Variants in GNG7 observed in about 807,000 individuals in gnomAD.
GNG7 encodes G protein subunit gamma 7.
GNG7 carries 1 observed loss-of-function variant against 4.0 expected under a neutral mutation model. That is an observed-to-expected ratio of 0.25 (90% CI 0.09 to 1.18). The LOEUF is 1.18. Ranked by LOEUF, GNG7 falls within the 50% of genes most tolerant of loss-of-function variation. GNG7 has a pLI of 0.50. For synonymous variants in GNG7, 34 were observed against 36.9 expected (o/e 0.92, Z 0.29); for missense variants, 86 against 91.9 (o/e 0.94, Z 0.26).
At position 2,661,302 on chromosome 19, in the gene GNG7, G is replaced by GAAAGAAAGAAAGAAAAAGAAAGAAAGAA; in HGVS notation, c.-134-15023_-134-15022insTTCTTTCTTTCTTTTTCTTTCTTTCTTT. On this transcript the variant is annotated intron_variant, in intron 1 of 4. Transcript: ENST00000382159. ...AGAAAGAAAGAAAGAAAGAAAGAAAGAGAAAGAAAGAAAGAAAGAAAGAAA... is the reference window on the plus strand; with the variant it reads ...AGAAAGAAAGAAAGAAAGAAAGAAAGAAAGAAAGAAAGAAAAAGAAAGAAAGAAAGAAAGAAAGAAAGAAAGAAAGAAA... Among the ~76,000 whole-genome samples, 168 of 73,110 alleles carry GAAAGAAAGAAAGAAAAAGAAAGAAAGAA rather than the reference G, an allele frequency of 2.3e-3. 9 individuals carry two copies. The highest frequency in any genetic ancestry group is 6.4e-3 in the African/African-American group (118 of 18,492). The allele number at this position is 73,110 out of a possible 152,430, so 48.0% of individuals were successfully genotyped here.
At chr19:2,528,517 A>T (rs1014564006) in intron 3 of GNG7, among the ~76,000 whole-genome samples, 6 of 151,272 alleles carry the variant, frequency 4.0e-5, no homozygotes, top group African/African-American at 9.7e-5. Context: ...AAAAAAAAAA[A>T]AGTAAATACA....
At chr19:2,629,142 A>C (rs757095317) in intron 2 of GNG7, among the ~76,000 whole-genome samples, 1 of 152,236 alleles carries the variant, frequency 6.6e-6, no homozygotes, top group Admixed American at 6.5e-5. Context: ...CACAGAGAAA[A>C]CAGCAAAGAA....
In GNG7 at chr19:2,652,234, A is replaced by G. The variant is rs139456331; in HGVS notation, c.-134-5954T>C. On this transcript the variant is annotated intron_variant, in intron 1 of 4. Coordinates refer to ENST00000382159, the MANE Select transcript of GNG7 (RefSeq NM_052847.3). Reference sequence around the variant, plus strand: ...AATTCCCCCTTGTAGAACCTGGAGAATACGATGCCAAGTGAAATAGGCCAG... The same window carrying G: ...AATTCCCCCTTGTAGAACCTGGAGAGTACGATGCCAAGTGAAATAGGCCAG... Among the ~76,000 whole-genome samples the G allele has an allele frequency of 3.0e-4, 45 of 152,266 alleles. No individual in the cohort carries two copies. The East Asian group carries it at 8.3e-3, about 28-fold the overall frequency.
At chr19:2,539,834 C>T (rs115630972) in intron 3 of GNG7, among the ~76,000 whole-genome samples, 46,090 of 150,168 alleles carry the variant, frequency 0.31, 7,359 homozygotes, top group East Asian at 0.6. Context: ...GAACTCACAC[C>T]TCTCCTTTCT....
intron 2 of GNG7, among the ~76,000 whole-genome samples, chr19:2,596,379 G>A (rs1244538502): frequency 1.3e-5 from 2 of 148,420 alleles, no homozygotes; most frequent in African/African-American, 5.0e-5. Flanking sequence ...ATAAAAAATA[G>A]TAGGCAGGCC....
At chr19:2,559,432 G>T (rs1317317373) in intron 2 of GNG7, among the ~76,000 whole-genome samples, 2 of 149,340 alleles carry the variant, frequency 1.3e-5, no homozygotes, top group Non-Finnish European at 3.0e-5. Context: ...GCTCACTGCA[G>T]CCTCAGTCTC....
chr19:2,675,176 C>A (rs771522798), intron 1 of GNG7, among the ~76,000 whole-genome samples: 5 of 152,310 alleles, frequency 3.3e-5, no homozygotes, highest in Non-Finnish European at 5.9e-5. Flanking sequence ...TAAATGAACC[C>A]AAACAGATCA....
chr19:2,581,692 G>A (rs553342217), intron 2 of GNG7, among the ~76,000 whole-genome samples: 1 of 152,330 alleles, frequency 6.6e-6, no homozygotes, highest in East Asian at 1.9e-4. Flanking sequence ...TGCCTGGCCA[G>A]GCCCCATTCA....
intron 2 of GNG7, chr19:2,630,792 C>T (rs1982140343): frequency 6.6e-6 from 1 of 151,466 alleles, no homozygotes; most frequent in Non-Finnish European, 1.5e-5. Context: ...AAACTTCTGA[C>T]CTATGGAACC....
At chr19:2,542,691 T>A (rs987190627) in intron 3 of GNG7, among the ~76,000 whole-genome samples, 1 of 152,038 alleles carries the variant, frequency 6.6e-6, no homozygotes, top group African/African-American at 2.4e-5. Context: ...AGTAGTTTCT[T>A]ATGCAGTGTA....
At chr19:2,650,487 C>T (rs1331143038) in intron 1 of GNG7, among the ~76,000 whole-genome samples, 1 of 152,096 alleles carries the variant, frequency 6.6e-6, no homozygotes, top group African/African-American at 2.4e-5. Context: ...ATTCCCAGCC[C>T]TAGGAATCAT....
chr19:2,623,305 G>A (rs1981931254), intron 2 of GNG7, among the ~76,000 whole-genome samples: 1 of 152,178 alleles, frequency 6.6e-6, no homozygotes. Flanking sequence ...GGGCAACAGA[G>A]CAAGACCAGG....
intron 2 of GNG7, among the ~76,000 whole-genome samples, chr19:2,595,910 G>C (rs1387859506): frequency 4.6e-5 from 7 of 152,046 alleles, no homozygotes; most frequent in Admixed American, 4.6e-4. Context: ...AGCAGCACCT[G>C]TGTGGCACTG....
chr19:2,515,600 G>A (rs1044684925), intron 4 of GNG7, among the ~76,000 whole-genome samples: 1 of 151,964 alleles, frequency 6.6e-6, no homozygotes, highest in Non-Finnish European at 1.5e-5. Flanking sequence ...GCTAATTTTT[G>A]TATTTTTAGT....
rs1981640000 is a variant in GNG7 at position 2,613,738 on chromosome 19, G to T, written c.-78+32486C>A. ...CTGGAGGTGCTCCCGGCATGGAGTG[G>T]GTGGAGGCCAGGACGCCACTCAGCA... On this transcript the variant is annotated intron_variant, in intron 2 of 4. Transcript: ENST00000382159. Among the ~76,000 whole-genome samples the T allele has an allele frequency of 2.6e-5, 4 of 152,300 alleles. No homozygotes were observed. The South Asian group carries it at 6.2e-4, about 24-fold the overall frequency.
chr19:2,679,905 T>C (rs1983688281), intron 1 of GNG7, among the ~76,000 whole-genome samples: 1 of 152,140 alleles, frequency 6.6e-6, no homozygotes, highest in East Asian at 1.9e-4. Context: ...CAAAATCCAA[T>C]GCCAGAATCC....
chr19:2,522,492 TGGCC>T (rs1568230515), intron 3 of GNG7, among the ~76,000 whole-genome samples: 4 of 69,954 alleles, frequency 5.7e-5, no homozygotes, highest in Non-Finnish European at 1.3e-4. Flanking sequence ...AGGAAAGGAC[TGGCC>T]GGGCGCGGTG....
intron 3 of GNG7, among the ~76,000 whole-genome samples, chr19:2,552,547 G>A (rs2144758919): frequency 6.6e-6 from 1 of 151,944 alleles, no homozygotes; most frequent in South Asian, 2.1e-4. Context: ...ACCACGCCTG[G>A]CTAATTTTTG....
At chr19:2,647,573 G>A (rs1488749229) in intron 1 of GNG7, among the ~76,000 whole-genome samples, 1 of 152,108 alleles carries the variant, frequency 6.6e-6, no homozygotes, top group Non-Finnish European at 1.5e-5. Context: ...TAAAAATTAG[G>A]AGGGTGTAGT....
Sources: allele counts gnomAD v4.1 joint callset (sites outside exome capture counted in the v4.1 genomes callset), GRCh38; gene constraint gnomAD v4.1.1; transcripts MANE v1.5; gene names NCBI Gene and HGNC (gene_info 2026-07-23, HGNC 2026-07-21).